Variants in NCOR2 observed in about 807,000 individuals in gnomAD.
NCOR2 encodes CTG repeat protein 26.
NCOR2 carries 81 observed loss-of-function variants against 262.9 expected under a neutral mutation model. The observed-to-expected ratio is 0.31, with a 90% CI of 0.26 to 0.37. NCOR2 has a LOEUF of 0.37. NCOR2 is among the 10% of genes least tolerant of loss of function. NCOR2 has a pLI of 1.00. For missense variants in NCOR2, 3,385 were observed against 3,621.4 expected (o/e 0.93, Z 1.68); for synonymous variants, 1,659 against 1,559.3 (o/e 1.06, Z -1.51).
exon 30 of NCOR2, chr12:124,347,900 G>T (rs372951859): frequency 6.4e-7 from 1 of 1,562,030 alleles, no homozygotes; most frequent in South Asian, 1.2e-5. Flanking sequence ...GGGATGGCAC[G>T]GCCCATGAGA....
chr12:124,368,286 G>A (rs1440748365), intron 20 of NCOR2, among the ~76,000 whole-genome samples: 3 of 152,170 alleles, frequency 2.0e-5, no homozygotes, highest in African/African-American at 7.2e-5. Flanking sequence ...GGCAGGGCAC[G>A]AGAGGGGGAA....
At chr12:124,461,507 A>G (rs2046160750) in intron 5 of NCOR2, among the ~76,000 whole-genome samples, 1 of 152,256 alleles carries the variant, frequency 6.6e-6, no homozygotes, top group Non-Finnish European at 1.5e-5. Context: ...GGGGCACACA[A>G]GTCCTTAGTC....
intron 19 of NCOR2, among the ~76,000 whole-genome samples, chr12:124,373,964 C>T (rs1190050496): frequency 2.0e-5 from 3 of 151,680 alleles, no homozygotes; most frequent in Non-Finnish European, 4.4e-5. Context: ...ACAGCAGGAG[C>T]GCGATCTGTG....
chr12:124,512,480 G>A (rs536993947), intron 1 of NCOR2, among the ~76,000 whole-genome samples: 1 of 152,298 alleles, frequency 6.6e-6, no homozygotes, highest in South Asian at 2.1e-4. Flanking sequence ...GGTAACCCAG[G>A]ATGAGCTCAT....
chr12:124,419,736 G>A (rs185209109), intron 13 of NCOR2, among the ~76,000 whole-genome samples: 61 of 152,328 alleles, frequency 4.0e-4, no homozygotes, highest in East Asian at 9.6e-4. Context: ...TGGCCACTAC[G>A]GGAGGCTCGA....
intron 46 of NCOR2, among the ~76,000 whole-genome samples, chr12:124,325,943 C>T (rs1229972636): frequency 6.6e-6 from 1 of 152,176 alleles, no homozygotes; most frequent in African/African-American, 2.4e-5. Flanking sequence ...CCTGGATGGT[C>T]CACCAGGCCC....
intron 27 of NCOR2, among the ~76,000 whole-genome samples, chr12:124,351,016 C>T (rs920484579): frequency 6.6e-6 from 1 of 152,176 alleles, no homozygotes; most frequent in Non-Finnish European, 1.5e-5. Flanking sequence ...CCTAAGACAA[C>T]CCTATTGATT....
At chr12:124,386,780 C>G (rs1175252539) in intron 16 of NCOR2, among the ~76,000 whole-genome samples, 1 of 152,246 alleles carries the variant, frequency 6.6e-6, no homozygotes, top group Admixed American at 6.5e-5. Flanking sequence ...GGAAGCCAAG[C>G]CCCCGGTCTC....
intron 32 of NCOR2, among the ~76,000 whole-genome samples, 192 bp downstream of exon 34, chr12:124,344,405 C>T (rs2036746409): frequency 6.6e-6 from 1 of 152,142 alleles, no homozygotes; most frequent in Non-Finnish European, 1.5e-5. Flanking sequence ...CCACGGTGGT[C>T]TGGGAGGTGG....
intron 1 of NCOR2, among the ~76,000 whole-genome samples, chr12:124,512,377 C>T (rs931510518): frequency 6.6e-6 from 1 of 152,248 alleles, no homozygotes; most frequent in Non-Finnish European, 1.5e-5. Flanking sequence ...GCCCTCCAAT[C>T]TCTGCCTTTG....
At chr12:124,335,417 A>G (rs1593100609) in intron 39 of NCOR2, 66 bp downstream of exon 41, 5 of 1,551,310 alleles carry the variant, frequency 3.2e-6, no homozygotes, top group East Asian at 2.3e-5. Flanking sequence ...TCCTATCTGC[A>G]TGATGGGGCC....
At chr12:124,397,841 G>A (rs548695377) in intron 16 of NCOR2, among the ~76,000 whole-genome samples, 9 of 152,330 alleles carry the variant, frequency 5.9e-5, no homozygotes, top group South Asian at 4.1e-4. Flanking sequence ...GAAGCCACTC[G>A]CTGACTACAT....
chr12:124,417,567 G>C (rs2042978744), intron 13 of NCOR2, among the ~76,000 whole-genome samples: 1 of 152,162 alleles, frequency 6.6e-6, no homozygotes, highest in African/African-American at 2.4e-5. Context: ...GCCAGCAAGA[G>C]AATGAGCATA....
chr12:124,372,823 C>T (rs893855549), intron 19 of NCOR2, among the ~76,000 whole-genome samples: 7 of 152,266 alleles, frequency 4.6e-5, no homozygotes, highest in African/African-American at 1.7e-4. Flanking sequence ...CTCGCCTGGC[C>T]GCCTTTCTCC....
chr12:124,449,321 G>A (rs1240232856), intron 7 of NCOR2, among the ~76,000 whole-genome samples: 1 of 152,190 alleles, frequency 6.6e-6, no homozygotes, highest in Non-Finnish European at 1.5e-5. Flanking sequence ...GGGCCTGGAT[G>A]AGTGCTCTGA....
rs1195573787 is a variant in NCOR2, at chr12:124,481,130, C to CT, written c.411+2465dup. ...AAGGGGAGTGAGCAGGACAGGGGGG[C>CT]TGTTTGGGTGGAAAGAAAGAGAGGG... On this transcript the variant is annotated intron_variant, in intron 3 of 46. Transcript: ENST00000405201. The surrounding 1 kb of genome is among the most constrained non-coding windows in gnomAD (Gnocchi z 4.6). Among the ~76,000 whole-genome samples, 6 of 140,572 alleles carry CT rather than the reference C, an allele frequency of 4.3e-5. No homozygotes were observed. The South Asian group carries it at 1.4e-3, about 32-fold the overall frequency. 92.2% of individuals were successfully genotyped at this position (140,572 alleles called of 152,430 possible). A position where few individuals can be genotyped will look rare whatever the true frequency, so the allele number is the denominator to read the frequency against.
chr12:124,505,896 C>G (rs1050196301), intron 1 of NCOR2, among the ~76,000 whole-genome samples: 1 of 152,088 alleles, frequency 6.6e-6, no homozygotes, highest in South Asian at 2.1e-4. Flanking sequence ...AATGCCCCAG[C>G]CCATTATTCC....
At chr12:124,355,122 C>CTCAGAGGG in intron 24 of NCOR2, 183 bp from the exon 27 acceptor site, 1 of 625,786 alleles carries the variant, frequency 1.6e-6, no homozygotes, top group Non-Finnish European at 2.8e-6. Flanking sequence ...TGTGAAGGGG[C>CTCAGAGGG]CATGCCCTCT....
At chr12:124,490,436 G>T (rs147274443) in intron 1 of NCOR2, among the ~76,000 whole-genome samples, 3,009 of 152,084 alleles carry the variant, frequency 0.02, 87 homozygotes, top group African/African-American at 0.069. Flanking sequence ...ATGGATGGAT[G>T]GATGGATGGA....
Sources: gnomAD v4.1 joint callset for allele counts (sites outside exome capture counted in the v4.1 genomes callset) on GRCh38, gnomAD v4.1.1 for gene constraint, Gnocchi (gnomAD v3.1) non-coding constraint, MANE v1.5 for transcripts, NCBI Gene and HGNC (gene_info 2026-07-23, HGNC 2026-07-21) for gene names.